RALYL: variants seen among roughly 807,000 people sequenced by gnomAD.
RALYL encodes RNA-binding Raly-like protein.
RALYL carries 29 observed loss-of-function variants against 35.1 expected under a neutral mutation model. That is an observed-to-expected ratio of 0.83 (90% CI 0.61 to 1.13). RALYL has a LOEUF of 1.13. RALYL is among the 50% of genes most tolerant of loss of function. The pLI is 0.00. For synonymous variants in RALYL, 120 were observed against 127.6 expected (o/e 0.94, Z 0.40); for missense variants, 359 against 360.4 (o/e 1.00, Z 0.03).
chr8:84,604,581 A>G (rs978638924), intron 2 of RALYL, among the ~76,000 whole-genome samples: 1 of 152,154 alleles, frequency 6.6e-6, no homozygotes, highest in Admixed American at 6.5e-5. Flanking sequence ...CAAAGCATTT[A>G]AAGTATTTCT....
intron 8 of RALYL, among the ~76,000 whole-genome samples, chr8:84,917,777 T>C (rs1480430881): frequency 1.3e-5 from 2 of 151,904 alleles, no homozygotes; most frequent in African/African-American, 4.8e-5. Flanking sequence ...TTTTTTGATA[T>C]GATTATTTGA....
intron 1 of RALYL, among the ~76,000 whole-genome samples, chr8:84,249,455 C>A (rs933093399): frequency 6.6e-6 from 1 of 152,072 alleles, no homozygotes; most frequent in Non-Finnish European, 1.5e-5. Flanking sequence ...GATAGTCCAG[C>A]AACTTATATC....
chr8:84,725,511 C>G (rs889562391), intron 2 of RALYL, among the ~76,000 whole-genome samples: 5 of 151,642 alleles, frequency 3.3e-5, no homozygotes, highest in Admixed American at 6.6e-5. Context: ...AATGTTGTGT[C>G]CTTTAGTAGC....
At chr8:84,425,917 C>T (rs947254706) in intron 1 of RALYL, among the ~76,000 whole-genome samples, 1 of 151,530 alleles carries the variant, frequency 6.6e-6, no homozygotes, top group Non-Finnish European at 1.5e-5. Flanking sequence ...TTTGCAGCAT[C>T]CCTTGGGTTC....
intron 1 of RALYL, among the ~76,000 whole-genome samples, chr8:84,212,880 GATAA>G (rs1265375010): frequency 1.3e-5 from 2 of 151,964 alleles, no homozygotes; most frequent in African/African-American, 2.4e-5. Context: ...AGAAGATTTA[GATAA>G]ATAACAGAAA....
At chr8:84,260,121 G>A (rs759086484) in intron 1 of RALYL, among the ~76,000 whole-genome samples, 1 of 152,148 alleles carries the variant, frequency 6.6e-6, no homozygotes, top group South Asian at 2.1e-4. Context: ...AAGACCATGT[G>A]AGAAAAGTTA....
chr8:84,622,137 CATA>C (rs1264026082), intron 2 of RALYL, among the ~76,000 whole-genome samples: 2 of 152,054 alleles, frequency 1.3e-5, no homozygotes, highest in Non-Finnish European at 2.9e-5. Context: ...TCAAGACAAA[CATA>C]GTAGTGAATG....
At chr8:84,385,030 G>A (rs73298772) in intron 1 of RALYL, among the ~76,000 whole-genome samples, 5 of 151,812 alleles carry the variant, frequency 3.3e-5, no homozygotes, top group South Asian at 2.1e-4. Flanking sequence ...TAGGTTGTAC[G>A]AGGACCTAAA....
chr8:84,361,490 G>C (rs1023153887), intron 1 of RALYL, among the ~76,000 whole-genome samples: 3 of 152,176 alleles, frequency 2.0e-5, no homozygotes, highest in Admixed American at 1.3e-4. Flanking sequence ...GGAGGATGGG[G>C]TGGCTACATC....
intron 1 of RALYL, among the ~76,000 whole-genome samples, chr8:84,316,473 G>A (rs1174948371): frequency 3.3e-5 from 5 of 152,150 alleles, no homozygotes; most frequent in Admixed American, 6.5e-5. Flanking sequence ...AAAAAATTAC[G>A]CAGAAAATTG....
intron 1 of RALYL, among the ~76,000 whole-genome samples, chr8:84,488,188 A>G (rs4740015): frequency 0.41 from 62,969 of 151,876 alleles, 13,159 homozygotes; most frequent in South Asian, 0.53. Context: ...TGTAACAAAT[A>G]TGATTTTCCC....
chr8:84,248,972 A>C (rs1228637863), intron 1 of RALYL, among the ~76,000 whole-genome samples: 3 of 152,038 alleles, frequency 2.0e-5, no homozygotes, highest in Non-Finnish European at 2.9e-5. Context: ...ATCACTTTGT[A>C]GTCATGGTTC....
chr8:84,499,591 G>T (rs1257152420), intron 1 of RALYL, among the ~76,000 whole-genome samples: 1 of 152,020 alleles, frequency 6.6e-6, no homozygotes, highest in African/African-American at 2.4e-5. Context: ...GGAGCTCCCA[G>T]GTAAGGCAAA....
At chr8:84,605,716 T>A (rs532148266) in intron 2 of RALYL, among the ~76,000 whole-genome samples, 61 of 152,262 alleles carry the variant, frequency 4.0e-4, no homozygotes, top group African/African-American at 1.4e-3. Flanking sequence ...CCAAATGTAC[T>A]GGCAATCTTT....
intron 1 of RALYL, among the ~76,000 whole-genome samples, chr8:84,233,333 A>G (rs1825790364): frequency 6.6e-6 from 1 of 152,060 alleles, no homozygotes; most frequent in East Asian, 1.9e-4. Context: ...AAAAACTTCC[A>G]TTTTGTAGGA....
chr8:84,372,612 C>A (rs1586676172), intron 1 of RALYL, among the ~76,000 whole-genome samples: 1 of 152,022 alleles, frequency 6.6e-6, no homozygotes, highest in East Asian at 1.9e-4. Context: ...GGTGTGCTGG[C>A]ATGAGATTGT....
intron 2 of RALYL, among the ~76,000 whole-genome samples, chr8:84,621,224 G>A (rs536400582): frequency 2.0e-5 from 3 of 152,124 alleles, no homozygotes; most frequent in Non-Finnish European, 4.4e-5. Flanking sequence ...TCAGACTGCC[G>A]TGCTAGCAAT....
At chr8:84,533,683 A>G (rs1041432600) in intron 2 of RALYL, among the ~76,000 whole-genome samples, 1 of 152,204 alleles carries the variant, frequency 6.6e-6, no homozygotes, top group Admixed American at 6.5e-5. Flanking sequence ...GGAAAAGAAT[A>G]TATAAAGCAG....
At chr8:84,750,598 A>C (rs977242930) in intron 2 of RALYL, among the ~76,000 whole-genome samples, 8 of 152,208 alleles carry the variant, frequency 5.3e-5, no homozygotes, top group African/African-American at 1.9e-4. Flanking sequence ...TTTAAGAGGA[A>C]ATAAGATTAT....
Sources: gnomAD v4.1 joint callset for allele counts (sites outside exome capture counted in the v4.1 genomes callset) on GRCh38, gnomAD v4.1.1 for gene constraint, MANE v1.5 for transcripts, NCBI Gene and HGNC (gene_info 2026-07-23, HGNC 2026-07-21) for gene names.